Variants in DMD observed in about 807,000 individuals in gnomAD.
DMD encodes the protein dystrophin, also known as mutant dystrophin.
Under a neutral mutation model 330.1 loss-of-function variants are expected in DMD, and 63 were observed. The ratio of observed to expected loss-of-function variants is 0.19; its 90% CI spans 0.16 to 0.24. DMD has a LOEUF of 0.24. Ranked by LOEUF, DMD falls within the 10% of genes least tolerant of loss-of-function variation. The pLI is 1.00. For synonymous variants in DMD, 1,223 were observed against 959.8 expected (o/e 1.27, Z -5.07); for missense variants, 3,344 against 2,684.1 (o/e 1.25, Z -5.43).
At chrX:31,849,215 CATTTATTTATTT>C (rs55862537) in intron 48 of DMD, among the ~76,000 whole-genome samples, 1 of 107,715 alleles carries the variant, frequency 9.3e-6, no homozygotes, top group Non-Finnish European at 1.9e-5. Flanking sequence ...TATGTTCAAA[CATTTATTTATTT>C]ATTTATTTAT....
chrX:32,431,607 A>C (rs2098238593), intron 29 of DMD, among the ~76,000 whole-genome samples: 1 of 110,543 alleles, frequency 9.0e-6, no homozygotes, highest in Admixed American at 9.7e-5. Context: ...TTTTCTTTTA[A>C]ATCATTTCTT....
chrX:31,490,796 A>G (rs961167794), intron 57 of DMD, among the ~76,000 whole-genome samples: 1 of 112,274 alleles, frequency 8.9e-6, no homozygotes, highest in Non-Finnish European at 1.9e-5. Context: ...TAAGCAGGCC[A>G]GCACTGATAA....
chrX:32,221,512 T>C (rs2097131823), intron 43 of DMD, among the ~76,000 whole-genome samples: 2 of 112,017 alleles, frequency 1.8e-5, no homozygotes, highest in Non-Finnish European at 3.8e-5. Flanking sequence ...TAAATGAGTA[T>C]ATATAAATTT....
chrX:33,216,339 C>G (rs930183995), upstream of DMD, among the ~76,000 whole-genome samples: 4 of 111,425 alleles, frequency 3.6e-5, no homozygotes, highest in Admixed American at 3.8e-4. Flanking sequence ...CAAATTAACA[C>G]AGGAACAGAA....
At position 32,160,747 on chromosome X, in the gene DMD, G is replaced by A. The variant is rs184385350; in HGVS notation, c.6438+56169C>T. 2.7e-5 allele frequency among the ~76,000 whole-genome samples: 3 copies of A among 111,225 alleles called. No individual in the cohort carries two copies. The East Asian group carries it at 8.5e-4, about 31-fold the overall frequency. The stretch of plus-strand genomic sequence containing the variant: ...GATGTAGTTTTGTAGAATTGTTATT[G>A]CAATGGTATTTGCTGTATTGGAATT... On this transcript the variant is annotated intron_variant, in intron 44 of 78. Coordinates refer to ENST00000357033, the MANE Select transcript of DMD (RefSeq NM_004006.3).
At chrX:32,521,659 A>C (rs2046435683) in intron 17 of DMD, among the ~76,000 whole-genome samples, 1 of 112,201 alleles carries the variant, frequency 8.9e-6, no homozygotes, top group Non-Finnish European at 1.9e-5. Flanking sequence ...ATGCTGCAAA[A>C]TCTCCTTAAA....
chrX:31,177,087 C>T (rs1328758680), intron 71 of DMD, among the ~76,000 whole-genome samples: 1 of 111,454 alleles, frequency 9.0e-6, no homozygotes, highest in Non-Finnish European at 1.9e-5. Flanking sequence ...ATAAAGCATA[C>T]TTTGAAATAC....
intron 49 of DMD, among the ~76,000 whole-genome samples, chrX:31,833,340 GT>G (rs1249721114): frequency 4.6e-4 from 17 of 36,745 alleles, no homozygotes; most frequent in African/African-American, 1.4e-3. Context: ...GAGGGAGAGA[GT>G]GGAGAGGGAG....
chrX:32,045,335 C>G (rs906680794), intron 44 of DMD, among the ~76,000 whole-genome samples: 1 of 93,362 alleles, frequency 1.1e-5, no homozygotes, highest in Non-Finnish European at 2.1e-5. Context: ...AGTTCTTGAG[C>G]GATCTGTTTT....
At chrX:32,859,064 T>C (rs2081847507) in intron 2 of DMD, among the ~76,000 whole-genome samples, 1 of 111,684 alleles carries the variant, frequency 9.0e-6, no homozygotes, top group Admixed American at 9.5e-5. Flanking sequence ...ATAGGAACGT[T>C]ATACAGATTT....
intron 55 of DMD, among the ~76,000 whole-genome samples, chrX:31,558,869 T>C (rs1364210748): frequency 4.5e-5 from 5 of 110,892 alleles, no homozygotes; most frequent in African/African-American, 1.6e-4. Context: ...TGGTAAGGAG[T>C]TTGAATTCAA....
chrX:31,522,355 CTCTCTCTCTATA>C (rs1215362668), intron 55 of DMD, among the ~76,000 whole-genome samples: 2 of 60,595 alleles, frequency 3.3e-5, no homozygotes, highest in Non-Finnish European at 5.6e-5. Flanking sequence ...CTCTCTCTCT[CTCTCTCTCTATA>C]TATATATATA....
chrX:32,477,519 A>G (rs973130683), intron 21 of DMD, among the ~76,000 whole-genome samples: 1 of 111,056 alleles, frequency 9.0e-6, no homozygotes, highest in African/African-American at 3.3e-5. Context: ...AGGACAGACC[A>G]AGAGAGGCAA....
chrX:31,615,898 T>G (rs751801203), intron 55 of DMD, among the ~76,000 whole-genome samples: 2 of 112,230 alleles, frequency 1.8e-5, no homozygotes, highest in Admixed American at 9.5e-5. Context: ...AAAATAAGCC[T>G]GAAAATAGTA....
At chrX:31,809,335 T>C (rs1038315985) in intron 50 of DMD, among the ~76,000 whole-genome samples, 3 of 108,893 alleles carry the variant, frequency 2.8e-5, no homozygotes, top group Non-Finnish European at 5.7e-5. Flanking sequence ...TATATATATA[T>C]AGTGATGTAA....
At chrX:32,169,169 T>G (rs1005147643) in intron 44 of DMD, among the ~76,000 whole-genome samples, 5 of 111,995 alleles carry the variant, frequency 4.5e-5, no homozygotes, top group African/African-American at 1.3e-4. Context: ...TTACAGCATC[T>G]TCCTCTATTA....
intron 55 of DMD, among the ~76,000 whole-genome samples, chrX:31,608,845 G>A (rs1163582875): frequency 5.4e-5 from 6 of 111,467 alleles, no homozygotes; most frequent in Admixed American, 4.8e-4. Flanking sequence ...TAAGACTAGG[G>A]GTTGGGAAGT....
At position 31,512,815 on chromosome X, in the gene DMD, T is replaced by C. The variant is rs1356678588; in HGVS notation, c.8218-5362A>G. On this transcript the variant is annotated intron_variant, in intron 55 of 78. Transcript: ENST00000357033. The stretch of plus-strand genomic sequence containing the variant: ...TTGGCTCAGGATTGACTTGGCGATG[T>C]GGGCTCTTTTTTGGTTCCATATGAA... Among the ~76,000 whole-genome samples, 13 of 110,907 alleles carry C rather than the reference T, an allele frequency of 1.2e-4. No individual in the cohort carries two copies. In the South Asian group the frequency reaches 2.3e-3, roughly 20 times the overall value.
intron 55 of DMD, among the ~76,000 whole-genome samples, chrX:31,527,051 G>A (rs1014210046): frequency 4.5e-5 from 5 of 111,449 alleles, no homozygotes; most frequent in Admixed American, 9.5e-5. Context: ...GGATGTCGAA[G>A]TTGCAGTGAG....
Sources: allele counts gnomAD v4.1 joint callset (sites outside exome capture counted in the v4.1 genomes callset), GRCh38; gene constraint gnomAD v4.1.1; transcripts MANE v1.5; gene names NCBI Gene and HGNC (gene_info 2026-07-23, HGNC 2026-07-21).